Variants in WDFY4 observed in about 807,000 individuals in gnomAD.
WDFY4 encodes the protein WDFY family member 4.
In WDFY4, 169 loss-of-function variants were observed where a neutral mutation model predicts 351.9. The ratio of observed to expected loss-of-function variants is 0.48; its 90% CI spans 0.42 to 0.55. The LOEUF is 0.55. Ranked by LOEUF, WDFY4 falls within the 20% of genes least tolerant of loss-of-function variation. The pLI is 0.00. For missense variants in WDFY4, 3,803 were observed against 3,935.6 expected, an observed-to-expected ratio of 0.97 and a Z score of 0.90; for synonymous variants, 1,622 against 1,574.6, an observed-to-expected ratio of 1.03 and a Z score of -0.71.
chr10:48,705,780 G>C (rs1428302178), intron 1 of WDFY4, among the ~76,000 whole-genome samples: 2 of 152,174 alleles, frequency 1.3e-5, no homozygotes, highest in South Asian at 2.1e-4. Flanking sequence ...AGAGCTGGGC[G>C]GTTTCTGATC....
At chr10:48,893,649 T>C (rs1405264030) in intron 44 of WDFY4, among the ~76,000 whole-genome samples, 1 of 152,176 alleles carries the variant, frequency 6.6e-6, no homozygotes, top group Non-Finnish European at 1.5e-5. Flanking sequence ...CTAAATCGGG[T>C]AGAGAGTTTA....
chr10:48,797,834 TTGA>T (rs1410715773), intron 24 of WDFY4, among the ~76,000 whole-genome samples: 2 of 152,258 alleles, frequency 1.3e-5, no homozygotes, highest in African/African-American at 2.4e-5. Context: ...TTTTAGATTG[TTGA>T]TAAGTTTTAC....
At position 48,760,415 on chromosome 10, in the gene WDFY4, G is replaced by T. The variant is rs371151010; in HGVS notation, c.2528G>T (p.Arg843Leu). 3 of 1,551,474 alleles carry T rather than the reference G, an allele frequency of 1.9e-6. No individual in the cohort carries two copies. The highest frequency in any genetic ancestry group is 1.4e-5 in the African/African-American group (1 of 73,014). The change falls in exon 13 of 62, where the codon CGG (arginine) becomes CTG (leucine). Residue 843 changes from arginine (R) to leucine (L), a missense_variant. Arg to Leu is a moderately radical substitution (Grantham distance 102, BLOSUM62 -2). Coordinates refer to ENST00000325239, the MANE Select transcript of WDFY4 (RefSeq NM_001394531.1). Reference protein sequence around the residue: ...VVCIMVRLLPRLYHEDHPQLS... With the variant: ...VVCIMVRLLPLLYHEDHPQLS... ...TGCATCATGGTGAGGCTGCTGCCTC[G>T]GTTGTACCATGAAGATCACCCACAG...
intron 40 of WDFY4, among the ~76,000 whole-genome samples, chr10:48,867,705 G>A (rs2069600730): frequency 6.6e-6 from 1 of 152,166 alleles, no homozygotes; most frequent in Admixed American, 6.5e-5. Flanking sequence ...AAAAGCAAGT[G>A]TGAAGCACCC....
rs1235679794 is a variant in WDFY4 at position 48,796,326 on chromosome 10, C to T, written c.4286C>T (p.Ala1429Val). The T allele has an allele frequency of 6.4e-7, 1 of 1,552,192 alleles. No individual in the cohort carries two copies. The highest frequency in any genetic ancestry group is 2.4e-5 in the East Asian group (1 of 40,918). ...ATGGCGTTTCTCCTGAGGAAGAAGG[C>T]CTCTCTCCTGAACCATCGAATTTTT... ...QIMAFLLRKK[A>V]SLLNHRIFQL... Residue 1429 changes from alanine (A) to valine (V), a missense_variant, in exon 24 of 62, where the codon GCC becomes GTC. Physicochemically the swap from Ala to Val is moderately conservative, Grantham distance 64. Coordinates refer to ENST00000325239, the MANE Select transcript of WDFY4 (RefSeq NM_001394531.1).
At chr10:48,877,611 T>C (rs2070074118) in intron 43 of WDFY4, among the ~76,000 whole-genome samples, 1 of 152,198 alleles carries the variant, frequency 6.6e-6, no homozygotes, top group Non-Finnish European at 1.5e-5. Flanking sequence ...GTGCATGTGT[T>C]TGGACACCCC....
rs535589942 is a variant in WDFY4 at position 48,872,219 on chromosome 10, A to G, written c.6742-1272A>G. Among the ~76,000 whole-genome samples the G allele has an allele frequency of 2.2e-4, 34 of 152,374 alleles. 1 individual carries two copies. The South Asian group carries it at 6.2e-3, about 28-fold the overall frequency. ...AAAATGGCCAAGATTTGCAAGGCCT[A>G]CATCTATAAGTCTTCCAGTTTTTTG... On this transcript the variant is annotated intron_variant, in intron 40 of 61. Transcript: ENST00000325239.
chr10:48,820,310 T>G lies in WDFY4; in HGVS notation c.5582T>G (p.Leu1861Arg). ...AAEGDSTVEGLQAPTKAHPAR... is the reference protein window; with the variant it reads ...AAEGDSTVEGRQAPTKAHPAR... ...GAAGGCGACAGCACAGTGGAGGGTC[T>G]CCAGGCTCCCACCAAGGCACATCCC... The change falls in exon 33 of 62, where the codon CTC becomes CGC. Residue 1861 changes from leucine to arginine, a missense_variant. Coordinates refer to ENST00000325239, the MANE Select transcript of WDFY4 (RefSeq NM_001394531.1). The G allele has an allele frequency of 6.4e-7, 1 of 1,551,534 alleles. No homozygotes were observed. Among genetic ancestry groups the G allele is most frequent in the Non-Finnish European group, 8.7e-7 (1 of 1,146,976 alleles).
chr10:48,931,096 A>AC (rs1839972040), intron 47 of WDFY4, among the ~76,000 whole-genome samples: 1 of 150,254 alleles, frequency 6.7e-6, no homozygotes, highest in African/African-American at 2.4e-5. Context: ...CTCACACTCA[A>AC]ACACACACAC....
rs188412738 is a variant in WDFY4, at chr10:48,753,976, G to A, written c.2460-6371G>A. ...TTTTTGGAGTGTTTTTATCATGAAA[G>A]AGTGTGAGATTTTGTCAAATGCTCT... On this transcript the variant is annotated intron_variant, in intron 12 of 61. Coordinates refer to ENST00000325239, the MANE Select transcript of WDFY4 (RefSeq NM_001394531.1). 3.4e-3 allele frequency among the ~76,000 whole-genome samples: 513 copies of A among 152,266 alleles called. 4 individuals are homozygous for A. The highest frequency in any genetic ancestry group is 0.012 in the African/African-American group (485 of 41,564).
chr10:48,978,176 C>A, intron 59 of WDFY4, 133 bp from the exon 60 acceptor site: 1 of 840,014 alleles, frequency 1.2e-6, no homozygotes, highest in Non-Finnish European at 1.8e-6. Context: ...AAGTTAACAT[C>A]AGAAGTGAAA....
intron 53 of WDFY4, among the ~76,000 whole-genome samples, chr10:48,962,856 G>T (rs568644606): frequency 8.5e-5 from 13 of 152,340 alleles, no homozygotes; most frequent in Admixed American, 7.2e-4. Context: ...GTCTGTGAGT[G>T]CGTGGGTGAG....
At chr10:48,930,742 AT>A (rs1839945048) in intron 47 of WDFY4, among the ~76,000 whole-genome samples, 5 of 152,240 alleles carry the variant, frequency 3.3e-5, no homozygotes, top group Non-Finnish European at 7.3e-5. Context: ...TGATTAAATA[AT>A]TAATGTGTAA....
chr10:48,791,967 T>A (rs950335016), intron 23 of WDFY4, among the ~76,000 whole-genome samples: 1 of 152,052 alleles, frequency 6.6e-6, no homozygotes, highest in African/African-American at 2.4e-5. Context: ...TCTGGTGGTG[T>A]CCCTCCTGTG....
intron 12 of WDFY4, among the ~76,000 whole-genome samples, chr10:48,744,221 A>G (rs1052105457): frequency 4.6e-5 from 7 of 152,224 alleles, no homozygotes; most frequent in Admixed American, 1.3e-4. Context: ...CACAACAGTA[A>G]CAGTTGGTGT....
intron 47 of WDFY4, chr10:48,910,134 A>G: frequency 8.9e-7 from 1 of 1,126,738 alleles, no homozygotes; most frequent in Non-Finnish European, 1.4e-6. Flanking sequence ...GGTTTCCAGA[A>G]CATCTCACTT....
chr10:48,981,338 C>T (rs751007365), intron 60 of WDFY4, 29 bp from the exon 61 acceptor site: 8 of 1,548,906 alleles, frequency 5.2e-6, no homozygotes, highest in Middle Eastern at 1.7e-4. Flanking sequence ...ATCTGGCGTT[C>T]TAACTCTTCT....
chr10:48,850,618 C>T (rs1030656316), intron 39 of WDFY4, among the ~76,000 whole-genome samples: 2 of 152,186 alleles, frequency 1.3e-5, no homozygotes, highest in Non-Finnish European at 2.9e-5. Flanking sequence ...GTAACAAAAA[C>T]TCTCAAGTCT....
intron 2 of WDFY4, among the ~76,000 whole-genome samples, chr10:48,714,879 T>C (rs1451212182): frequency 2.0e-5 from 3 of 152,144 alleles, no homozygotes; most frequent in Non-Finnish European, 4.4e-5. Flanking sequence ...GGGCTCACAC[T>C]CCTCCCTTCA....
Sources: gnomAD v4.1 joint callset for allele counts (sites outside exome capture counted in the v4.1 genomes callset) on GRCh38, gnomAD v4.1.1 for gene constraint, MANE v1.5 for transcripts, NCBI Gene and HGNC (gene_info 2026-07-23, HGNC 2026-07-21) for gene names.